CNTNAP3: variants seen among roughly 807,000 people sequenced by gnomAD.
CNTNAP3 encodes contactin associated protein family member 3, also known as contactin-associated protein-like 3.
A neutral mutation model predicts 92.1 loss-of-function variants in CNTNAP3; 36 were observed. The observed-to-expected ratio is 0.39, with a 90% CI of 0.30 to 0.52. The LOEUF (loss-of-function observed/expected upper bound fraction) is 0.52. CNTNAP3 is among the 20% of genes least tolerant of loss of function. CNTNAP3 has a pLI of 0.76. For missense variants in CNTNAP3, 534 were observed against 1,069.6 expected (o/e 0.50, Z 6.98); for synonymous variants, 232 against 422.3 (o/e 0.55, Z 5.53).
intron 18 of CNTNAP3, among the ~76,000 whole-genome samples, chr9:39,089,366 C>T (rs1401242414): frequency 1.3e-5 from 2 of 152,372 alleles, no homozygotes; most frequent in Non-Finnish European, 1.5e-5. Flanking sequence ...GTTCATCCAT[C>T]TTGTAGCATG....
In CNTNAP3 at chr9:39,159,379, A is replaced by T. The variant is rs975850875; in HGVS notation, c.1477+6554T>A. On this transcript the variant is annotated intron_variant, in intron 9 of 23. Coordinates refer to ENST00000297668, the MANE Select transcript of CNTNAP3 (RefSeq NM_033655.5). ...TATTTTAAAAATATTATATATATAT[A>T]TATTTTTAAAAAACATTTTATATAT... 7 of 133,460 alleles carry T rather than the reference A, an allele frequency of 5.2e-5. No homozygotes were observed. In the East Asian group the frequency reaches 9.7e-4, roughly 18 times the overall value. The allele number at this position is 133,460 out of a possible 1,614,324, so 8.3% of individuals were successfully genotyped here. A position where few individuals can be genotyped will look rare whatever the true frequency, so the allele number is the denominator to read the frequency against.
intron 8 of CNTNAP3, among the ~76,000 whole-genome samples, chr9:39,170,334 G>A (rs1413010983): frequency 1.3e-5 from 1 of 74,450 alleles, no homozygotes; most frequent in Non-Finnish European, 2.2e-5. Context: ...ACAGCCAAAA[G>A]GAATCTTTTT....
Position 39,068,705 on chromosome 9 carries a change from C to A in CNTNAP3, c.*5185G>T, listed in dbSNP as rs1366278392. Among the ~76,000 whole-genome samples the A allele has an allele frequency of 1.3e-5, 2 of 152,424 alleles. No individual in the cohort carries two copies. The highest frequency in any genetic ancestry group is 2.1e-4 in the South Asian group (1 of 4,834). On this transcript the variant is annotated 3_prime_UTR_variant, in exon 24 of 24. Coordinates refer to ENST00000297668, the MANE Select transcript of CNTNAP3 (RefSeq NM_033655.5). ...CTCTAGCCACCTTCGTGTACCTGAACTCTCAGCAACAGCTACTCCATTCAG... is the reference window on the plus strand; with the variant it reads ...CTCTAGCCACCTTCGTGTACCTGAAATCTCAGCAACAGCTACTCCATTCAG...
chr9:39,076,143 C>T (rs1825755661), intron 23 of CNTNAP3, among the ~76,000 whole-genome samples: 3 of 152,312 alleles, frequency 2.0e-5, no homozygotes, highest in Admixed American at 2.0e-4. Context: ...CTCCGTCAAT[C>T]TTGCCAGTGA....
intron 9 of CNTNAP3, chr9:39,159,174 T>G (rs1587738395): frequency 6.7e-6 from 1 of 150,078 alleles, no homozygotes; most frequent in South Asian, 2.1e-4. Flanking sequence ...AGTGTACCTA[T>G]GTATGCATGT....
intron 21 of CNTNAP3, among the ~76,000 whole-genome samples, chr9:39,084,132 T>C (rs1826010731): frequency 6.6e-6 from 1 of 151,858 alleles, no homozygotes; most frequent in African/African-American, 2.4e-5. Flanking sequence ...TGGGTAGGTA[T>C]AGTGTTTCAT....
intron 18 of CNTNAP3, among the ~76,000 whole-genome samples, chr9:39,094,492 T>G (rs1163472590): frequency 6.6e-6 from 1 of 151,678 alleles, no homozygotes; most frequent in South Asian, 2.1e-4. Flanking sequence ...TATAGTTTTA[T>G]CTTTTAGATT....
chr9:39,088,233 A>G (rs1403552967), intron 19 of CNTNAP3, among the ~76,000 whole-genome samples, 190 bp downstream of exon 19: 3 of 149,618 alleles, frequency 2.0e-5, no homozygotes, highest in African/African-American at 7.4e-5. Context: ...GGAGAAAAGC[A>G]TCTTAATTTA....
At chr9:39,144,125 A>G (rs184805791) in intron 11 of CNTNAP3, 115 bp downstream of exon 11, 23,557 of 1,412,262 alleles carry the variant, frequency 0.017, 411 homozygotes, top group East Asian at 0.097. Flanking sequence ...GAGTGCTGAA[A>G]TATCTCTTCT....
rs1821607377 is a variant in CNTNAP3, at chr9:39,142,729, CAAAA to C, written c.1756+1507_1756+1510del. Among the ~76,000 whole-genome samples the C allele has an allele frequency of 3.3e-5, 5 of 151,056 alleles. No homozygotes were observed. In the South Asian group the frequency reaches 1.0e-3, roughly 32 times the overall value. On this transcript the variant is annotated intron_variant, in intron 11 of 23. Transcript: ENST00000297668. ...TTTATAAACAGGGACCCTTCTAGTA[CAAAA>C]ATCATACTTCATGCTTCAATCTGTG...
intron 9 of CNTNAP3, among the ~76,000 whole-genome samples, chr9:39,150,314 G>A (rs1436217079): frequency 7.4e-6 from 1 of 135,098 alleles, no homozygotes; most frequent in Non-Finnish European, 1.6e-5. Context: ...TAGTGTAAGT[G>A]AAAAAAATTA....
At chr9:39,179,260 C>A (rs1822399165) in intron 4 of CNTNAP3, among the ~76,000 whole-genome samples, 1 of 99,688 alleles carries the variant, frequency 1.0e-5, no homozygotes, top group African/African-American at 4.4e-5. Flanking sequence ...TCAGGTAAGC[C>A]AATTCCTTAA....
chr9:39,108,130 C>T (rs1327571092), intron 15 of CNTNAP3, among the ~76,000 whole-genome samples: 2 of 152,024 alleles, frequency 1.3e-5, no homozygotes, highest in East Asian at 1.9e-4. Context: ...TGCATTGGTT[C>T]CCCCTATCTC....
In CNTNAP3 at chr9:39,068,487, T is replaced by C. The variant is rs1225167137; in HGVS notation, c.*5403A>G. 9.8e-5 allele frequency among the ~76,000 whole-genome samples: 15 copies of C among 152,366 alleles called. No individual in the cohort carries two copies. Among genetic ancestry groups the C allele is most frequent in the Admixed American group, 2.0e-4 (3 of 15,310 alleles). The stretch of plus-strand genomic sequence containing the variant: ...CATAGAGAGGTGACTAGAAAAGATG[T>C]TTAAAAAGATTCCTTGAGGTCAATA... On this transcript the variant is annotated 3_prime_UTR_variant, in exon 24 of 24. Transcript: ENST00000297668.
At chr9:39,127,436 T>G (rs2118018311) in intron 13 of CNTNAP3, among the ~76,000 whole-genome samples, 1 of 152,140 alleles carries the variant, frequency 6.6e-6, no homozygotes, top group South Asian at 2.1e-4. Flanking sequence ...AAGAGCAGAT[T>G]TCAATAGAAT....
In CNTNAP3 at chr9:39,066,200, G is replaced by A. The variant is rs1313286490; in HGVS notation, c.*7690C>T. 2.0e-5 allele frequency among the ~76,000 whole-genome samples: 3 copies of A among 152,198 alleles called. No individual in the cohort carries two copies. Among genetic ancestry groups the A allele is most frequent in the Non-Finnish European group, 2.9e-5 (2 of 68,032 alleles). The stretch of plus-strand genomic sequence containing the variant: ...AGATGTTTTAACTTAAAGATAACTT[G>A]TAATAGCCAACTTTTAATAGGCATT... On this transcript the variant is annotated 3_prime_UTR_variant, in exon 24 of 24. Transcript: ENST00000297668.
In CNTNAP3 at chr9:39,138,855, A is replaced by T. The variant is rs182322243; in HGVS notation, c.1876+1664T>A. ...AAGCCTGCCTGTCTCTCCAATTTTG[A>T]GGGGCAGTGGTTTGTTCTGTGACCT... On this transcript the variant is annotated intron_variant, in intron 12 of 23. Transcript: ENST00000297668. Among the ~76,000 whole-genome samples the T allele has an allele frequency of 6.0e-3, 917 of 152,206 alleles. 7 individuals are homozygous for T. Among genetic ancestry groups the T allele is most frequent in the Middle Eastern group, 0.051 (15 of 294 alleles).
chr9:39,145,121 T>G (rs75068661), intron 10 of CNTNAP3, among the ~76,000 whole-genome samples: 3,783 of 120,552 alleles, frequency 0.031, 83 homozygotes, highest in East Asian at 0.11. Flanking sequence ...CTAGCATGCC[T>G]GCCTCTCAGG....
chr9:39,099,856 A>G (rs1409544207), intron 18 of CNTNAP3, 55 bp downstream of exon 18: 2 of 1,584,024 alleles, frequency 1.3e-6, no homozygotes, highest in Non-Finnish European at 1.7e-6. Context: ...AGCATTCTTC[A>G]TGTTATTTAA....
Sources: allele counts gnomAD v4.1 joint callset (sites outside exome capture counted in the v4.1 genomes callset), GRCh38; gene constraint gnomAD v4.1.1; transcripts MANE v1.5; gene names NCBI Gene and HGNC (gene_info 2026-07-23, HGNC 2026-07-21).